The following MRAP2 variants were observed in gnomAD, a reference collection of about 807,000 sequenced individuals.
MRAP2 encodes the protein melanocortin-2 receptor accessory protein 2.
MRAP2 carries 20 observed loss-of-function variants against 17.4 expected under a neutral mutation model. That is an observed-to-expected ratio of 1.15 (90% CI 0.81 to 1.67). MRAP2 has a LOEUF of 1.67. MRAP2 is among the 40% of genes most tolerant of loss of function. The pLI is 0.00. For synonymous variants in MRAP2, 96 were observed against 88.4 expected, an observed-to-expected ratio of 1.09 and a Z score of -0.48; for missense variants, 238 against 240.0, an observed-to-expected ratio of 0.99 and a Z score of 0.05.
the MRAP2 span, among the ~76,000 whole-genome samples, chr6:84,099,993 G>A: frequency 1.3e-5 from 2 of 151,974 alleles, no homozygotes; most frequent in African/African-American, 4.8e-5. Context: ...TCTGAGAGCT[G>A]GGATTACAGG....
the MRAP2 span, chr6:84,124,997 C>G: frequency 1.8e-6 from 2 of 1,089,950 alleles, no homozygotes; most frequent in South Asian, 1.4e-5. Context: ...TTTTCATAAG[C>G]TGTCCTGACA....
the MRAP2 span, among the ~76,000 whole-genome samples, chr6:84,128,893 A>G: frequency 7.3e-6 from 1 of 137,304 alleles, no homozygotes; most frequent in Admixed American, 7.9e-5. Context: ...CTCCTATGTC[A>G]CTGTGTTCTC....
At chr6:84,039,553 G>A (rs1226845389) in intron 1 of MRAP2, among the ~76,000 whole-genome samples, 1 of 152,204 alleles carries the variant, frequency 6.6e-6, no homozygotes, top group Non-Finnish European at 1.5e-5. Context: ...CTAGCTTTAT[G>A]AGATGCTAAA....
At chr6:84,136,332 C>T in the MRAP2 span, among the ~76,000 whole-genome samples, 2 of 152,180 alleles carry the variant, frequency 1.3e-5, no homozygotes, top group African/African-American at 4.8e-5. Context: ...ATGCATGGCA[C>T]TGGCATCTGG....
At position 84,074,034 on chromosome 6, in the gene MRAP2, AG is replaced by A. The variant is rs143108285; in HGVS notation, c.227+11043del. Among the ~76,000 whole-genome samples, 531 of 152,186 alleles carry A rather than the reference AG, an allele frequency of 3.5e-3. 9 individuals are homozygous for A. The highest frequency in any genetic ancestry group is 0.026 in the East Asian group (133 of 5,174). ...AAACACAGAAGTGAGCAGACTGTGG[AG>A]CTTCTTGCAAAAGCTGGGCTCAGAG... On this transcript the variant is annotated intron_variant, in intron 3 of 3. Transcript: ENST00000257776.
the MRAP2 span, among the ~76,000 whole-genome samples, chr6:84,120,594 T>C: frequency 1.3e-5 from 2 of 152,168 alleles, no homozygotes; most frequent in Non-Finnish European, 2.9e-5. Context: ...AGACCTGCCA[T>C]GTATATAGCT....
chr6:84,137,023 C>T, the MRAP2 span, among the ~76,000 whole-genome samples: 8 of 152,256 alleles, frequency 5.3e-5, no homozygotes, highest in South Asian at 2.1e-4. Context: ...TGGGAGCCAC[C>T]GTGCAAGGAT....
chr6:84,124,039 T>C, the MRAP2 span, among the ~76,000 whole-genome samples: 72 of 152,116 alleles, frequency 4.7e-4, no homozygotes, highest in African/African-American at 1.7e-3. Flanking sequence ...ACAATGGTTA[T>C]TATTAAAAAG....
the MRAP2 span, among the ~76,000 whole-genome samples, chr6:84,143,348 G>A: frequency 6.6e-6 from 1 of 151,930 alleles, no homozygotes; most frequent in Non-Finnish European, 1.5e-5. Flanking sequence ...GGTCATGGCT[G>A]CTTTGTAGTT....
At chr6:84,054,033 T>C (rs1414834780) in intron 1 of MRAP2, among the ~76,000 whole-genome samples, 2 of 151,940 alleles carry the variant, frequency 1.3e-5, no homozygotes. Context: ...CTGGAGGCAG[T>C]GGGGACGGAT....
At chr6:84,106,147 G>T in the MRAP2 span, among the ~76,000 whole-genome samples, 1 of 152,144 alleles carries the variant, frequency 6.6e-6, no homozygotes, top group East Asian at 1.9e-4. Context: ...AGCTGCTTCA[G>T]GATGTTGAAG....
At chr6:84,079,071 G>A (rs545260545) in intron 3 of MRAP2, among the ~76,000 whole-genome samples, 30 of 152,248 alleles carry the variant, frequency 2.0e-4, no homozygotes, top group African/African-American at 7.2e-4. Flanking sequence ...ATTTATTCAA[G>A]AGCAGTAGAA....
chr6:84,052,937 G>A (rs117898207), intron 1 of MRAP2: 3,858 of 273,352 alleles, frequency 0.014, 38 homozygotes, highest in Non-Finnish European at 0.017. Context: ...AGATGAAAGG[G>A]AATAGTGTAA....
chr6:84,035,671 C>G (rs1191438203), intron 1 of MRAP2, among the ~76,000 whole-genome samples: 1 of 152,156 alleles, frequency 6.6e-6, no homozygotes, highest in Non-Finnish European at 1.5e-5. Context: ...AGTGTTCATA[C>G]CCATCGCTAG....
chr6:84,063,022 T>G (rs760650857), intron 3 of MRAP2, 30 bp downstream of exon 3: 11 of 1,613,728 alleles, frequency 6.8e-6, no homozygotes, highest in Non-Finnish European at 8.5e-6. Context: ...AAATGTCTCT[T>G]AAGCCTCACA....
At chr6:84,073,828 C>G (rs530246119) in intron 3 of MRAP2, among the ~76,000 whole-genome samples, 153 of 151,806 alleles carry the variant, frequency 1.0e-3, no homozygotes, top group African/African-American at 3.6e-3. Context: ...TGAATGCAGC[C>G]CAACACAAAT....
At chr6:84,144,817 A>C in the MRAP2 span, among the ~76,000 whole-genome samples, 1 of 152,152 alleles carries the variant, frequency 6.6e-6, no homozygotes, top group Non-Finnish European at 1.5e-5. Flanking sequence ...CTCTTAAGCT[A>C]TCCATAGCTT....
intron 3 of MRAP2, among the ~76,000 whole-genome samples, chr6:84,073,113 G>A (rs1219606386): frequency 6.6e-6 from 1 of 152,116 alleles, no homozygotes; most frequent in Non-Finnish European, 1.5e-5. Flanking sequence ...CATTCAAATT[G>A]TTACAAAGTT....
chr6:84,067,306 C>G (rs781711495), intron 3 of MRAP2, among the ~76,000 whole-genome samples: 1 of 152,132 alleles, frequency 6.6e-6, no homozygotes, highest in South Asian at 2.1e-4. Flanking sequence ...GTTGGTTCCA[C>G]AATTTTGCAA....
Sources: allele counts gnomAD v4.1 joint callset (sites outside exome capture counted in the v4.1 genomes callset), GRCh38; gene constraint gnomAD v4.1.1; transcripts MANE v1.5; gene names NCBI Gene and HGNC (gene_info 2026-07-23, HGNC 2026-07-21).